PALM2AKAP2: variants seen among roughly 807,000 people sequenced by gnomAD.
PALM2AKAP2 encodes PALM2-AKAP2 fusion protein.
PALM2AKAP2 carries 37 observed loss-of-function variants against 71.5 expected under a neutral mutation model. That is an observed-to-expected ratio of 0.52 (90% CI 0.40 to 0.68). The LOEUF (loss-of-function observed/expected upper bound fraction) is 0.68. Among genes scored for constraint, PALM2AKAP2 ranks in the 30% least tolerant of loss-of-function variants. PALM2AKAP2 has a pLI of 0.00. For missense variants in PALM2AKAP2, 1,224 were observed against 1,191.8 expected (o/e 1.03, Z -0.40); for synonymous variants, 468 against 478.8 (o/e 0.98, Z 0.29).
Position 110,156,507 on chromosome 9 carries a change from T to C in PALM2AKAP2, c.2748+10T>C. ...AATGGATGATAGTAGTGTAAGTTTT[T>C]CCTCCTTTCCTCTTTCACTTCTCTG... On this transcript the variant is annotated intron_variant, in intron 3 of 3. Coordinates refer to ENST00000374525, the Ensembl canonical transcript of PALM2AKAP2. The C allele has an allele frequency of 6.3e-7, 1 of 1,585,972 alleles. No homozygotes were observed.
intron 1 of PALM2AKAP2, among the ~76,000 whole-genome samples, chr9:110,068,472 G>T (rs1033021561): frequency 6.7e-6 from 1 of 148,798 alleles, no homozygotes; most frequent in Admixed American, 6.6e-5. Flanking sequence ...TTGCTCTAGT[G>T]GTGGGTCTGA....
At chr9:110,041,240 C>T (rs1404437718) in intron 7 of PALM2AKAP2, among the ~76,000 whole-genome samples, 1 of 151,430 alleles carries the variant, frequency 6.6e-6, no homozygotes, top group Admixed American at 6.6e-5. Flanking sequence ...TCACTCTTTC[C>T]AACACAGGTC....
At chr9:109,679,787 C>T (rs1461855531) in intron 1 of PALM2AKAP2, among the ~76,000 whole-genome samples, 1 of 152,120 alleles carries the variant, frequency 6.6e-6, no homozygotes, top group Non-Finnish European at 1.5e-5. Context: ...AAAGAAACTT[C>T]TCTGGTTGAT....
intron 1 of PALM2AKAP2, among the ~76,000 whole-genome samples, chr9:109,698,271 C>CTTTTT (rs1564117062): frequency 2.2e-5 from 3 of 137,572 alleles, no homozygotes; most frequent in African/African-American, 9.1e-5. Flanking sequence ...ATGTGTGCTA[C>CTTTTT]ATTTTTTTTT....
chr9:109,986,216 G>T (rs1252462288), intron 6 of PALM2AKAP2, among the ~76,000 whole-genome samples: 1 of 151,926 alleles, frequency 6.6e-6, no homozygotes, highest in Non-Finnish European at 1.5e-5. Flanking sequence ...AGTTTAGGGG[G>T]TAAAAGTGTA....
upstream of PALM2AKAP2, among the ~76,000 whole-genome samples, chr9:109,778,909 C>T (rs574533005): frequency 2.2e-4 from 33 of 151,992 alleles, 1 homozygote; most frequent in Admixed American, 1.4e-3. Flanking sequence ...GCTGGGATTA[C>T]AGGTGCCTGC....
chr9:109,998,693 G>T (rs765162522), intron 6 of PALM2AKAP2, among the ~76,000 whole-genome samples: 1 of 150,836 alleles, frequency 6.6e-6, no homozygotes, highest in Non-Finnish European at 1.5e-5. Flanking sequence ...CTTGAGCTCA[G>T]GCATTCAAGG....
exon 2 of PALM2AKAP2, chr9:110,136,946 A>T (rs868588958): frequency 6.2e-7 from 1 of 1,614,180 alleles, no homozygotes. Flanking sequence ...GAATCCTGGC[A>T]TTGCAGCAAA....
intron 1 of PALM2AKAP2, among the ~76,000 whole-genome samples, chr9:109,681,845 T>G (rs909283549): frequency 6.6e-6 from 1 of 152,192 alleles, no homozygotes; most frequent in Non-Finnish European, 1.5e-5. Flanking sequence ...TTATGAATTT[T>G]GATGTTTTCA....
At chr9:110,037,702 T>C (rs143256783) in intron 7 of PALM2AKAP2, among the ~76,000 whole-genome samples, 10 of 152,310 alleles carry the variant, frequency 6.6e-5, no homozygotes, top group Non-Finnish European at 1.5e-4. Flanking sequence ...CTGTAGAATA[T>C]GGGATGATTT....
At chr9:109,811,192 T>A (rs1031140184) in intron 1 of PALM2AKAP2, among the ~76,000 whole-genome samples, 1 of 152,342 alleles carries the variant, frequency 6.6e-6, no homozygotes, top group African/African-American at 2.4e-5. Flanking sequence ...TCCAGTGTTT[T>A]CAACTCAATA....
intron 1 of PALM2AKAP2, among the ~76,000 whole-genome samples, chr9:109,797,778 GCATATAGGC>G (rs1469949922): frequency 6.6e-6 from 1 of 152,226 alleles, no homozygotes; most frequent in Non-Finnish European, 1.5e-5. Context: ...TTCCCTTTGA[GCATATAGGC>G]CATCAGGTCC....
intron 1 of PALM2AKAP2, among the ~76,000 whole-genome samples, chr9:109,861,703 C>G (rs1829315337): frequency 6.6e-6 from 1 of 152,176 alleles, no homozygotes; most frequent in Admixed American, 6.5e-5. Context: ...CCAGAATAAG[C>G]TTTCCATGAT....
intron 1 of PALM2AKAP2, among the ~76,000 whole-genome samples, chr9:109,780,845 G>A (rs12553032): frequency 0.17 from 26,403 of 152,096 alleles, 2,423 homozygotes; most frequent in South Asian, 0.28. Context: ...TATTATGACC[G>A]AATGCTCAGG....
At chr9:109,826,320 A>C (rs1192283009) in intron 1 of PALM2AKAP2, among the ~76,000 whole-genome samples, 4 of 152,148 alleles carry the variant, frequency 2.6e-5, no homozygotes, top group African/African-American at 9.7e-5. Flanking sequence ...CATATGTAAC[A>C]AACCTGCACG....
intron 1 of PALM2AKAP2, among the ~76,000 whole-genome samples, chr9:109,738,034 G>T (rs780632081): frequency 6.6e-6 from 1 of 152,106 alleles, no homozygotes; most frequent in South Asian, 2.1e-4. Context: ...TATATATTTG[G>T]CCTCTAAACT....
At chr9:110,117,030 A>G (rs1835378179) in intron 1 of PALM2AKAP2, among the ~76,000 whole-genome samples, 1 of 152,238 alleles carries the variant, frequency 6.6e-6, no homozygotes, top group Non-Finnish European at 1.5e-5. Context: ...TAATTTATGT[A>G]TGATACTCTC....
intron 1 of PALM2AKAP2, among the ~76,000 whole-genome samples, chr9:109,858,201 T>C (rs1829219520): frequency 1.3e-5 from 2 of 152,200 alleles, no homozygotes; most frequent in Admixed American, 1.3e-4. Flanking sequence ...TGTCTCTTTA[T>C]CTTCCTGTGC....
intron 1 of PALM2AKAP2, among the ~76,000 whole-genome samples, chr9:109,665,243 G>A (rs7038434): frequency 0.089 from 13,585 of 152,048 alleles, 734 homozygotes; most frequent in South Asian, 0.19. Flanking sequence ...AAGTACCCGC[G>A]CTCCTTTGGA....
Sources: allele counts gnomAD v4.1 joint callset (sites outside exome capture counted in the v4.1 genomes callset), GRCh38; gene constraint gnomAD v4.1.1; transcripts MANE v1.5; gene names NCBI Gene and HGNC (gene_info 2026-07-23, HGNC 2026-07-21).